ZP3: variants seen among roughly 807,000 people sequenced by gnomAD.
ZP3 encodes zona pellucida sperm-binding protein 3.
In ZP3, 21 loss-of-function variants were observed where a neutral mutation model predicts 35.6. That is an observed-to-expected ratio of 0.59 (90% CI 0.42 to 0.85). ZP3 has a LOEUF of 0.85. ZP3 is among the 40% of genes least tolerant of loss of function. The pLI, the probability that ZP3 is intolerant of heterozygous loss-of-function variation, is 0.00. For missense variants in ZP3, 437 were observed against 536.5 expected (o/e 0.81, Z 1.83); for synonymous variants, 207 against 214.5 (o/e 0.96, Z 0.31).
At chr7:76,429,730 C>T in intron 2 of ZP3, 97 bp downstream of exon 2, 1 of 980,498 alleles carries the variant, frequency 1.0e-6, no homozygotes, top group Non-Finnish European at 1.6e-6. Context: ...TGCAGCATGG[C>T]TATTAGAACT....
At chr7:76,437,207 G>A (rs1444122020) in intron 5 of ZP3, among the ~76,000 whole-genome samples, 35 of 119,886 alleles carry the variant, frequency 2.9e-4, no homozygotes, top group African/African-American at 8.7e-4. Flanking sequence ...ACAGAGTCTC[G>A]CTCTGTCACC....
upstream of ZP3, among the ~76,000 whole-genome samples, chr7:76,421,998 G>A (rs1261616912): frequency 6.6e-6 from 1 of 152,032 alleles, no homozygotes; most frequent in East Asian, 1.9e-4. Context: ...CTGGGTTCAA[G>A]CGATTCTCCC....
At chr7:76,415,503 A>T (rs1277724924) in intron 1 of ZP3, among the ~76,000 whole-genome samples, 6 of 147,864 alleles carry the variant, frequency 4.1e-5, no homozygotes, top group Non-Finnish European at 6.0e-5. Flanking sequence ...TTATTTATTT[A>T]TTTTTTTTGA....
chr7:76,402,014 A>ATTC (rs754545578), intron 1 of ZP3, among the ~76,000 whole-genome samples: 67 of 151,328 alleles, frequency 4.4e-4, no homozygotes, highest in Admixed American at 7.3e-4. Context: ...CTTCTACTTC[A>ATTC]TTCTTCTTCT....
intron 7 of ZP3, 59 bp from the exon 8 acceptor site, chr7:76,441,783 C>T (rs1806207497): frequency 3.1e-6 from 5 of 1,610,916 alleles, no homozygotes; most frequent in Admixed American, 1.7e-5. Flanking sequence ...ATAAAACCTC[C>T]AACCCAGTTC....
exon 1 of ZP3, chr7:76,397,682 G>A (rs1804683644): frequency 8.1e-6 from 13 of 1,613,286 alleles, no homozygotes; most frequent in Non-Finnish European, 1.1e-5. Context: ...GGCGGCCATG[G>A]CCGCCCCGCA....
chr7:76,429,371 T>A, intron 1 of ZP3, 144 bp from the exon 2 acceptor site: 1 of 742,418 alleles, frequency 1.3e-6, no homozygotes, highest in South Asian at 1.6e-5. Flanking sequence ...GTGCTGGGGT[T>A]ACAGGCATGA....
Position 76,425,276 on chromosome 7 carries a change from G to C in ZP3, c.312G>C (p.Gln104His), listed in dbSNP as rs775129366. 8 of 1,598,556 alleles carry C rather than the reference G, an allele frequency of 5.0e-6. No individual in the cohort carries two copies. In the South Asian group the frequency reaches 5.5e-5, roughly 11 times the overall value. ...VGLHECGNSM[Q>H]VTDDALVYST... Reference sequence around the variant, plus strand: ...TCCACGAGTGTGGCAACAGCATGCAGGTAAGAGAGGCTGGGGGCCCTGGCT... The same window carrying C: ...TCCACGAGTGTGGCAACAGCATGCACGTAAGAGAGGCTGGGGGCCCTGGCT... The change falls in exon 1 of 8, where the codon CAG becomes CAC. Residue 104 changes from glutamine (Q) to histidine (H), a missense_variant and splice_region_variant. Around this residue, in one of 6 missense-constraint regions of ZP3, gnomAD observed 352 missense variants for 308.4 expected, o/e 1.14. Coordinates refer to ENST00000394857, the MANE Select transcript of ZP3 (RefSeq NM_001110354.2).
rs775439545 is a variant in ZP3, at chr7:76,429,643, GGACT to G, written c.431+15_431+18del. 1.2e-6 allele frequency: 2 copies of G among 1,610,820 alleles called. No homozygotes were observed. The highest frequency in any genetic ancestry group is 2.7e-5 in the African/African-American group (2 of 74,966). On this transcript the variant is annotated intron_variant, in intron 2 of 7. Coordinates refer to ENST00000394857, the MANE Select transcript of ZP3 (RefSeq NM_001110354.2). ...AGTGCCGCTACCCCAGGTCGGTGTG[GGACT>G]GACTCATGGCCCCTGGTGCAAAAGC...
chr7:76,425,584 G>C (rs1805626989), intron 1 of ZP3, among the ~76,000 whole-genome samples: 1 of 151,948 alleles, frequency 6.6e-6, no homozygotes, highest in Non-Finnish European at 1.5e-5. Flanking sequence ...TGATAGGATA[G>C]CCCTGTGGGT....
In ZP3 at chr7:76,428,075, C is replaced by G. The variant is rs572064360; in HGVS notation, c.313-1440C>G. Among the ~76,000 whole-genome samples, 69 of 151,564 alleles carry G rather than the reference C, an allele frequency of 4.6e-4. 1 individual carries two copies. The highest frequency in any genetic ancestry group is 1.6e-3 in the African/African-American group (64 of 41,236). On this transcript the variant is annotated intron_variant, in intron 1 of 7. Coordinates refer to ENST00000394857, the MANE Select transcript of ZP3 (RefSeq NM_001110354.2). ...GTCATGGTGGCTCACACCTGTAATC[C>G]AGCACTTTGGGAGGCTGAGGCAGGT...
rs1170235751 is a variant in ZP3 at position 76,433,529 on chromosome 7, C to T, written c.595C>T (p.Gln199Ter). Residue 199 changes from glutamine (Q) to a stop codon, truncating the protein, a stop_gained, in exon 4 of 8, where the codon CAG (glutamine) becomes TAG (stop). Transcript: ENST00000394857. LOFTEE classifies it high-confidence loss of function. Reference sequence around the variant, plus strand: ...CCACCTGGGAGATGCAGCCCACCTCCAGGCAGAAATCCACACTGGCAGCCA... The same window carrying T: ...CCACCTGGGAGATGCAGCCCACCTCTAGGCAGAAATCCACACTGGCAGCCA... ...TFHLGDAAHL[Q>*]AEIHTGSHVP... The T allele has an allele frequency of 1.2e-6, 2 of 1,614,172 alleles. No individual in the cohort carries two copies. Among genetic ancestry groups the T allele is most frequent in the East Asian group, 2.2e-5 (1 of 44,882 alleles).
chr7:76,416,827 T>TATATAC (rs1270478243), intron 1 of ZP3, among the ~76,000 whole-genome samples: 4 of 147,706 alleles, frequency 2.7e-5, no homozygotes, highest in Non-Finnish European at 6.0e-5. Flanking sequence ...TATATATATA[T>TATATAC]ACATATACAT....
intron 5 of ZP3, among the ~76,000 whole-genome samples, chr7:76,437,546 C>T (rs1157690848): frequency 7.4e-5 from 11 of 147,868 alleles, no homozygotes; most frequent in Admixed American, 5.6e-4. Flanking sequence ...AGTGCAATGG[C>T]GTAATCTCAG....
intron 1 of ZP3, among the ~76,000 whole-genome samples, chr7:76,403,684 CAG>C (rs1201358302): frequency 6.6e-6 from 1 of 151,548 alleles, no homozygotes; most frequent in Non-Finnish European, 1.5e-5. Flanking sequence ...CTTTTTGAGA[CAG>C]AGTCTCGCTC....
chr7:76,434,980 G>A (rs1326307655), intron 5 of ZP3, among the ~76,000 whole-genome samples: 1 of 152,216 alleles, frequency 6.6e-6, no homozygotes, highest in African/African-American at 2.4e-5. Context: ...CCTAATGGCT[G>A]AGGTGGGGGA....
rs565105870 is a variant in ZP3 at position 76,429,778 on chromosome 7, C to T, written c.431+145C>T. On this transcript the variant is annotated intron_variant, in intron 2 of 7. Coordinates refer to ENST00000394857, the MANE Select transcript of ZP3 (RefSeq NM_001110354.2). ...ATTTGCAGCTGTGGTTACTGTACTG[C>T]GTGGGATTGTGGGGCCTGCTGAGTC... The T allele has an allele frequency of 1.2e-5, 9 of 731,946 alleles. 1 individual carries two copies. The highest frequency in any genetic ancestry group is 5.2e-5 in the East Asian group (2 of 38,414). 45.3% of individuals were successfully genotyped at this position (731,946 alleles called of 1,614,324 possible). A position where few individuals can be genotyped will look rare whatever the true frequency, so the allele number is the denominator to read the frequency against.
chr7:76,397,837 G>A (rs770008355), intron 1 of ZP3: 2 of 1,550,356 alleles, frequency 1.3e-6, no homozygotes, highest in Admixed American at 3.9e-5. Flanking sequence ...CCTCACCTGG[G>A]GATGGGGGCG....
chr7:76,404,629 CA>C (rs1804941323), intron 1 of ZP3: 1 of 754,318 alleles, frequency 1.3e-6, no homozygotes. Flanking sequence ...CCCATCTCTA[CA>C]AAAAGTTTTT....
Sources: allele counts gnomAD v4.1 joint callset (sites outside exome capture counted in the v4.1 genomes callset), GRCh38; gene constraint gnomAD v4.1.1; regional missense constraint gnomAD v4.1.1; transcripts MANE v1.5; gene names NCBI Gene and HGNC (gene_info 2026-07-23, HGNC 2026-07-21).